The following IDE variants were observed in gnomAD, a reference collection of about 807,000 sequenced individuals.
The protein encoded by IDE is insulin degrading enzyme.
In IDE, 58 loss-of-function variants were observed where a neutral mutation model predicts 133.2. The observed-to-expected ratio is 0.44, with a 90% confidence interval of 0.35 to 0.54. The LOEUF is 0.54. IDE is among the 20% of genes least tolerant of loss of function. IDE has a pLI of 0.00. For synonymous variants in IDE, 396 were observed against 421.3 expected (o/e 0.94, Z 0.73); for missense variants, 981 against 1,234.0 (o/e 0.79, Z 3.07).
In IDE at chr10:92,468,880, G is replaced by A. The variant is rs763366654; in HGVS notation, c.2319C>T (p.Asp773=). The A allele has an allele frequency of 5.2e-6, 8 of 1,536,370 alleles. No individual in the cohort carries two copies. The Admixed American group carries it at 1.3e-4, about 26-fold the overall frequency. ...LVRYREVQLP[D]RGWFVYQQRN... ...CAAAGTTACAACATCTCTACTTACT[G>A]TCAGGGAGCTGAACTTCTCTATACC... Residue 773 remains aspartate, a splice_region_variant and synonymous_variant, in exon 19 of 25, where the codon GAC becomes GAT. Coordinates refer to ENST00000265986, the MANE Select transcript of IDE (RefSeq NM_004969.4).
intron 1 of IDE, among the ~76,000 whole-genome samples, chr10:92,570,596 C>G (rs1216230932): frequency 6.6e-6 from 1 of 152,120 alleles, no homozygotes; most frequent in Non-Finnish European, 1.5e-5. Flanking sequence ...AAAATACCAA[C>G]AGAAAAACAG....
At chr10:92,569,276 A>G (rs1408114593) in intron 1 of IDE, among the ~76,000 whole-genome samples, 1 of 152,232 alleles carries the variant, frequency 6.6e-6, no homozygotes, top group Non-Finnish European at 1.5e-5. Flanking sequence ...GAATGCTTAC[A>G]TGCTGGGTCA....
chr10:92,510,228 A>C lies in IDE; in HGVS notation c.785-66T>G, dbSNP rs539576031. 312 of 784,326 alleles carry C rather than the reference A, an allele frequency of 4.0e-4. 3 individuals carry two copies. In the South Asian group the frequency reaches 4.9e-3, roughly 12 times the overall value. 48.6% of individuals were successfully genotyped at this position (784,326 alleles called of 1,614,324 possible). On this transcript the variant is annotated intron_variant, in intron 5 of 24. Coordinates refer to ENST00000265986, the MANE Select transcript of IDE (RefSeq NM_004969.4). Reference sequence around the variant, plus strand: ...CATAACATCCAACAGGGAGTGCTTAAAATCTTAGGATCTCCTGAAAAGTCT... The same window carrying C: ...CATAACATCCAACAGGGAGTGCTTACAATCTTAGGATCTCCTGAAAAGTCT...
chr10:92,473,080 C>G (rs1296105796), intron 17 of IDE, among the ~76,000 whole-genome samples: 3 of 151,330 alleles, frequency 2.0e-5, no homozygotes. Context: ...GTAGCTGGGA[C>G]TACAGGCACC....
intron 24 of IDE, among the ~76,000 whole-genome samples, chr10:92,455,079 G>C (rs1844920127): frequency 6.6e-6 from 1 of 152,072 alleles, no homozygotes; most frequent in South Asian, 2.1e-4. Flanking sequence ...AGGCAGACAA[G>C]GGTAGAGGCT....
intron 15 of IDE, chr10:92,478,509 T>C (rs1354154481): frequency 3.0e-6 from 1 of 337,426 alleles, no homozygotes; most frequent in African/African-American, 2.2e-5. Context: ...TAATTTGAGT[T>C]CTTTGATCAT....
chr10:92,506,568 G>T (rs878892332), intron 9 of IDE, 46 bp from the exon 10 acceptor site: 33 of 827,636 alleles, frequency 4.0e-5, no homozygotes, highest in Non-Finnish European at 5.1e-5. Flanking sequence ...CCCTTATTTA[G>T]AAACCTTTTT....
At chr10:92,482,369 A>AT (rs1263974843) in intron 14 of IDE, among the ~76,000 whole-genome samples, 2 of 152,352 alleles carry the variant, frequency 1.3e-5, no homozygotes, top group East Asian at 3.9e-4. Context: ...GATGAATTGA[A>AT]GGTGCACTGA....
intron 6 of IDE, 114 bp from the exon 7 acceptor site, chr10:92,509,004 T>C (rs1300440457): frequency 1.3e-6 from 1 of 783,214 alleles, no homozygotes; most frequent in Non-Finnish European, 2.1e-6. Flanking sequence ...AGCAAATCAA[T>C]TGCCACAGAA....
chr10:92,565,409 CAA>C (rs5787003), intron 1 of IDE, among the ~76,000 whole-genome samples: 118 of 114,862 alleles, frequency 1.0e-3, no homozygotes, highest in Non-Finnish European at 1.0e-3. Context: ...GACTCCATCT[CAA>C]AAAAAAAAAA....
chr10:92,490,303 T>C (rs1661901853), intron 12 of IDE, among the ~76,000 whole-genome samples, 190 bp downstream of exon 12: 2 of 152,224 alleles, frequency 1.3e-5, no homozygotes, highest in African/African-American at 4.8e-5. Flanking sequence ...AGAAGGTGGC[T>C]AGAGTACCAT....
At chr10:92,461,636 G>C (rs1262509117) in intron 21 of IDE, among the ~76,000 whole-genome samples, 2 of 151,896 alleles carry the variant, frequency 1.3e-5, no homozygotes, top group Non-Finnish European at 2.9e-5. Flanking sequence ...GATTATAGGC[G>C]TGAGCCATCG....
Position 92,479,328 on chromosome 10 carries a change from T to G in IDE, c.1833A>C (p.Ala611=), listed in dbSNP as rs758636952. 6.2e-7 allele frequency: 1 copy of G among 1,613,794 alleles called. No homozygotes were observed. The highest frequency in any genetic ancestry group is 8.5e-7 in the Non-Finnish European group (1 of 1,179,642). Residue 611 remains alanine, a synonymous_variant, in exon 15 of 25, where the codon GCA becomes GCC. Transcript: ENST00000265986. ...KDSLNEYAYA[A]ELAGLSYDLQ... is the part of the protein sequence containing the mutation. ...GATCATAGCTCAAGCCTGCTAGCTC[T>G]GCTGCATATGCATACTCGTTGAGTG...
chr10:92,572,824 C>G, intron 1 of IDE: 1 of 928,460 alleles, frequency 1.1e-6, no homozygotes, highest in Non-Finnish European at 1.3e-6. Context: ...TCCAACCTTT[C>G]TGCCATTCCT....
At chr10:92,570,890 TGGGCGACAGAGTGAAACC>T (rs1365630655) in intron 1 of IDE, among the ~76,000 whole-genome samples, 1 of 151,660 alleles carries the variant, frequency 6.6e-6, no homozygotes, top group Non-Finnish European at 1.5e-5. Context: ...CACTCCAGCC[TGGGCGACAGAGTGAAACC>T]CTGTCTCGAA....
At chr10:92,469,308 C>T (rs1424623568) in intron 18 of IDE, among the ~76,000 whole-genome samples, 1 of 152,176 alleles carries the variant, frequency 6.6e-6, no homozygotes, top group Non-Finnish European at 1.5e-5. Flanking sequence ...GGGAGGCAAA[C>T]ATAGGCTTTA....
intron 11 of IDE, among the ~76,000 whole-genome samples, chr10:92,498,966 T>C (rs1018101097): frequency 1.3e-5 from 2 of 152,120 alleles, no homozygotes; most frequent in African/African-American, 2.4e-5. Context: ...TTAGGCTGAT[T>C]TTTCCCCCCT....
intron 22 of IDE, among the ~76,000 whole-genome samples, chr10:92,458,878 T>C (rs1315189075): frequency 6.6e-6 from 1 of 152,130 alleles, no homozygotes; most frequent in Non-Finnish European, 1.5e-5. Context: ...GCGATCTTCC[T>C]GTCTCAGCCT....
At chr10:92,540,893 A>G (rs1475922173) in intron 1 of IDE, among the ~76,000 whole-genome samples, 3 of 152,190 alleles carry the variant, frequency 2.0e-5, no homozygotes, top group Non-Finnish European at 4.4e-5. Context: ...TTAAATTGTA[A>G]AACACAGAGT....
Sources: gnomAD v4.1 joint callset for allele counts (sites outside exome capture counted in the v4.1 genomes callset) on GRCh38, gnomAD v4.1.1 for gene constraint, MANE v1.5 for transcripts, NCBI Gene and HGNC (gene_info 2026-07-23, HGNC 2026-07-21) for gene names.